The following SPOCK3 variants were observed in gnomAD, a reference collection of about 807,000 sequenced individuals.
The protein encoded by SPOCK3 is SPARC (osteonectin), cwcv and kazal like domains proteoglycan 3, also known as testican-3.
Under a neutral mutation model 56.6 loss-of-function variants are expected in SPOCK3, and 30 were observed. The observed-to-expected ratio is 0.53, with a 90% CI of 0.40 to 0.72. SPOCK3 has a LOEUF of 0.72. Ranked by LOEUF, SPOCK3 falls within the 30% of genes least tolerant of loss-of-function variation. The pLI is 0.00. For missense variants in SPOCK3, 527 were observed against 530.0 expected (o/e 0.99, Z 0.06); for synonymous variants, 196 against 183.3 (o/e 1.07, Z -0.56).
At chr4:166,836,723 A>G (rs1319159105) in intron 6 of SPOCK3, among the ~76,000 whole-genome samples, 1 of 152,184 alleles carries the variant, frequency 6.6e-6, no homozygotes, top group Non-Finnish European at 1.5e-5. Flanking sequence ...AACCTTTAGT[A>G]ACTCTCCTTT....
At chr4:167,073,602 G>A (rs1756899323) in intron 2 of SPOCK3, among the ~76,000 whole-genome samples, 1 of 151,706 alleles carries the variant, frequency 6.6e-6, no homozygotes, top group South Asian at 2.1e-4. Context: ...GTCCTTTATT[G>A]TGATTAATAC....
chr4:167,200,946 C>T (rs887033987), intron 2 of SPOCK3, among the ~76,000 whole-genome samples: 2 of 151,990 alleles, frequency 1.3e-5, no homozygotes, highest in Admixed American at 6.6e-5. Context: ...TATGCGGGCA[C>T]ACCAGCTATG....
At chr4:167,047,659 C>A (rs774054602) in intron 3 of SPOCK3, among the ~76,000 whole-genome samples, 4 of 152,176 alleles carry the variant, frequency 2.6e-5, no homozygotes, top group Non-Finnish European at 5.9e-5. Context: ...TTTCTATAGG[C>A]ATTTTAATAT....
chr4:167,136,567 T>C lies in SPOCK3; in HGVS notation c.190-74030A>G, dbSNP rs200117156. Among the ~76,000 whole-genome samples, 32 of 152,282 alleles carry C rather than the reference T, an allele frequency of 2.1e-4. No individual in the cohort carries two copies. The East Asian group carries it at 5.8e-3, about 28-fold the overall frequency. On this transcript the variant is annotated intron_variant, in intron 2 of 10. Coordinates refer to ENST00000357545, the MANE Select transcript of SPOCK3 (RefSeq NM_001040159.2). ...CTCTATTTGCAACAATAAAGATCTA[T>C]CAGTCAAAATATTGTCAAATGATTT...
At chr4:167,013,179 C>T (rs1480800011) in intron 3 of SPOCK3, among the ~76,000 whole-genome samples, 1 of 151,598 alleles carries the variant, frequency 6.6e-6, no homozygotes, top group Non-Finnish European at 1.5e-5. Context: ...AAATAAATAC[C>T]AAAATACCAT....
In SPOCK3 at chr4:166,837,763, T is replaced by C. The variant is rs567218867; in HGVS notation, c.590-45474A>G. Reference sequence around the variant, plus strand: ...TTGACTTTTACTTTTTTGTACCATGTCCTTTCTTCCTTTCTGATGTTTCAA... The same window carrying C: ...TTGACTTTTACTTTTTTGTACCATGCCCTTTCTTCCTTTCTGATGTTTCAA... On this transcript the variant is annotated intron_variant, in intron 6 of 10. Transcript: ENST00000357545. Among the ~76,000 whole-genome samples the C allele has an allele frequency of 4.6e-5, 7 of 152,308 alleles. No homozygotes were observed. The East Asian group carries it at 1.4e-3, about 29-fold the overall frequency.
At chr4:166,873,781 T>G (rs979097351) in intron 6 of SPOCK3, among the ~76,000 whole-genome samples, 2 of 152,068 alleles carry the variant, frequency 1.3e-5, no homozygotes, top group Admixed American at 1.3e-4. Flanking sequence ...CTAGGCACTG[T>G]AGATGCTAAG....
intron 2 of SPOCK3, among the ~76,000 whole-genome samples, chr4:167,231,585 C>T (rs1433045366): frequency 6.6e-6 from 1 of 152,074 alleles, no homozygotes; most frequent in Non-Finnish European, 1.5e-5. Flanking sequence ...AATGCCTTAT[C>T]GCCATGTGCT....
chr4:166,931,569 A>T (rs544636263), intron 4 of SPOCK3, among the ~76,000 whole-genome samples: 1 of 152,356 alleles, frequency 6.6e-6, no homozygotes, highest in African/African-American at 2.4e-5. Context: ...TATGACTAGA[A>T]TACTCTGTAA....
chr4:166,912,534 A>G lies in SPOCK3; in HGVS notation c.474+86T>C, dbSNP rs1737395712. ...ATAAGTTAAATGAATAATTTGAATTATCACATTGGATAAGCAATGGTTTTA... is the reference window on the plus strand; with the variant it reads ...ATAAGTTAAATGAATAATTTGAATTGTCACATTGGATAAGCAATGGTTTTA... On this transcript the variant is annotated intron_variant, in intron 5 of 10. Coordinates refer to ENST00000357545, the MANE Select transcript of SPOCK3 (RefSeq NM_001040159.2). 4.0e-6 allele frequency: 5 copies of G among 1,258,872 alleles called. No homozygotes were observed. The African/African-American group carries it at 7.6e-5, about 19-fold the overall frequency. The allele number at this position is 1,258,872 out of a possible 1,614,324, so 78.0% of individuals were successfully genotyped here. A position where few individuals can be genotyped will look rare whatever the true frequency, so the allele number is the denominator to read the frequency against.
intron 2 of SPOCK3, 71 bp from the exon 3 acceptor site, chr4:167,062,608 A>G: frequency 1.6e-6 from 2 of 1,220,290 alleles, no homozygotes; most frequent in Non-Finnish European, 2.4e-6. Flanking sequence ...TAAAATCTAA[A>G]ATTAAATATG....
At chr4:167,145,185 T>G (rs924500743) in intron 2 of SPOCK3, among the ~76,000 whole-genome samples, 1 of 152,034 alleles carries the variant, frequency 6.6e-6, no homozygotes, top group African/African-American at 2.4e-5. Flanking sequence ...AAGTCAAGGA[T>G]TATTTTGTTT....
At chr4:166,767,384 T>C (rs1738238974) in intron 7 of SPOCK3, among the ~76,000 whole-genome samples, 1 of 152,172 alleles carries the variant, frequency 6.6e-6, no homozygotes, top group Non-Finnish European at 1.5e-5. Context: ...TTCTGGTATG[T>C]TTTGTCTTTG....
chr4:166,853,239 A>G (rs2126880479), intron 6 of SPOCK3, among the ~76,000 whole-genome samples: 1 of 152,348 alleles, frequency 6.6e-6, no homozygotes, highest in South Asian at 2.1e-4. Context: ...TAATAGAAGA[A>G]GAACTAAAAC....
rs182473074 is a variant in SPOCK3 at position 167,131,682 on chromosome 4, C to A, written c.190-69145G>T. On this transcript the variant is annotated intron_variant, in intron 2 of 10. Transcript: ENST00000357545. ...TAACAGTCCTAATCCCTTCACTTCT[C>A]TGTTAACTGTAGACCATTCTGTTTT... Among the ~76,000 whole-genome samples, 108 of 152,300 alleles carry A rather than the reference C, an allele frequency of 7.1e-4. 1 individual carries two copies. The highest frequency in any genetic ancestry group is 6.8e-3 in the Middle Eastern group (2 of 294).
At chr4:166,763,745 A>C (rs1246881038) in intron 7 of SPOCK3, among the ~76,000 whole-genome samples, 1 of 152,260 alleles carries the variant, frequency 6.6e-6, no homozygotes, top group Non-Finnish European at 1.5e-5. Flanking sequence ...TGATAAGTTA[A>C]TGATATATAC....
intron 3 of SPOCK3, among the ~76,000 whole-genome samples, chr4:167,050,160 G>T (rs1350548438): frequency 6.6e-6 from 1 of 152,010 alleles, no homozygotes; most frequent in African/African-American, 2.4e-5. Flanking sequence ...CCTGCTTCTG[G>T]CACCAGATCT....
In SPOCK3 at chr4:166,896,528, C is replaced by T. The variant is rs143203571; in HGVS notation, c.475-7284G>A. On this transcript the variant is annotated intron_variant, in intron 5 of 10. Transcript: ENST00000357545. ...TTTGAAACAGGAAGAGATACTCCCA[C>T]ACAAGGTGCTAAGCCAAGCACAGGC... Among the ~76,000 whole-genome samples the T allele has an allele frequency of 1.3e-4, 20 of 152,280 alleles. No individual in the cohort carries two copies. In the East Asian group the frequency reaches 3.9e-3, roughly 29 times the overall value.
intron 2 of SPOCK3, among the ~76,000 whole-genome samples, chr4:167,074,684 AAT>A (rs1418615172): frequency 6.6e-6 from 1 of 151,962 alleles, no homozygotes; most frequent in Non-Finnish European, 1.5e-5. Context: ...CAAAAGCATG[AAT>A]ACCAGAATGT....
Sources: gnomAD v4.1 joint callset for allele counts (sites outside exome capture counted in the v4.1 genomes callset) on GRCh38, gnomAD v4.1.1 for gene constraint, MANE v1.5 for transcripts, NCBI Gene and HGNC (gene_info 2026-07-23, HGNC 2026-07-21) for gene names.